SAMMSON: variants seen among roughly 807,000 people sequenced by gnomAD.
SAMMSON encodes the protein survival associated mitochondrial melanoma specific oncogenic non-coding RNA.
chr3:70,381,146 C>T lies in SAMMSON; in HGVS notation n.914-8428C>T, dbSNP rs577968834. 5.3e-5 allele frequency among the ~76,000 whole-genome samples: 8 copies of T among 152,274 alleles called. No individual in the cohort carries two copies. In the East Asian group the frequency reaches 1.2e-3, roughly 22 times the overall value. ...TTGTATGGTAGAGCAGTGCAGTTCT[C>T]ATAGCCCAATGCAGTTGTGTTAAAA... On this transcript the variant is annotated intron_variant and non_coding_transcript_variant, in intron 9 of 9. Transcript: ENST00000642114.
chr3:70,115,438 C>T (rs34692557), intron 4 of SAMMSON, among the ~76,000 whole-genome samples: 3 of 151,982 alleles, frequency 2.0e-5, no homozygotes, highest in African/African-American at 7.2e-5. Context: ...AGTATTTTCA[C>T]GGAAAAGATC....
At chr3:70,044,152 A>G (rs2067115454) in intron 3 of SAMMSON, among the ~76,000 whole-genome samples, 2 of 152,020 alleles carry the variant, frequency 1.3e-5, no homozygotes, top group African/African-American at 4.8e-5. Flanking sequence ...ACCAATGAGC[A>G]TTTAGAATGA....
At chr3:70,157,988 T>C (rs2067598701) in intron 4 of SAMMSON, among the ~76,000 whole-genome samples, 2 of 152,112 alleles carry the variant, frequency 1.3e-5, no homozygotes, top group African/African-American at 4.8e-5. Flanking sequence ...GTGTATTTTA[T>C]AGAACTTTCA....
In SAMMSON at chr3:70,031,609, G is replaced by A. The variant is rs186373402; in HGVS notation, n.417+17937G>A. ...GAAAAGACTAGGTAAGAACTGAAAT[G>A]TAAAGCTAAGTATAGGCATTGCTTA... On this transcript the variant is annotated intron_variant and non_coding_transcript_variant, in intron 3 of 9. Transcript: ENST00000642114. 2.2e-3 allele frequency among the ~76,000 whole-genome samples: 336 copies of A among 152,270 alleles called. 1 individual carries two copies. The highest frequency in any genetic ancestry group is 3.6e-3 in the Admixed American group (55 of 15,286).
intron 3 of SAMMSON, among the ~76,000 whole-genome samples, chr3:70,044,880 ATACT>A (rs2067118294): frequency 6.8e-6 from 1 of 146,714 alleles, no homozygotes; most frequent in Non-Finnish European, 1.5e-5. Context: ...TTTAAATAAA[ATACT>A]TTAATTATAT....
At chr3:70,378,644 C>T (rs2058892) in intron 9 of SAMMSON, among the ~76,000 whole-genome samples, 83,321 of 151,836 alleles carry the variant, frequency 0.55, 23,094 homozygotes, top group East Asian at 0.6. Context: ...TGAAGGGTTC[C>T]TGATATAAAT....
rs538264320 is a variant in SAMMSON, at chr3:70,354,155, G to C, written n.740-20G>C. On this transcript the variant is annotated intron_variant and non_coding_transcript_variant, in intron 7 of 9. Coordinates refer to ENST00000642114, the Ensembl canonical transcript of SAMMSON. ...TTAATGTATCAATGTAAATATCCTG[G>C]TTGTGATACTGTGTTACAGTTTTGC... 7 of 152,186 alleles carry C rather than the reference G, an allele frequency of 4.6e-5. No homozygotes were observed. The South Asian group carries it at 1.5e-3, about 32-fold the overall frequency. 9.4% of individuals were successfully genotyped at this position (152,186 alleles called of 1,614,324 possible). A position where few individuals can be genotyped will look rare whatever the true frequency, so the allele number is the denominator to read the frequency against.
intron 4 of SAMMSON, among the ~76,000 whole-genome samples, chr3:70,161,382 TG>T (rs1385598692): frequency 6.6e-6 from 1 of 152,020 alleles, no homozygotes; most frequent in African/African-American, 2.4e-5. Flanking sequence ...CTATCATGTA[TG>T]GATGTTAGAA....
chr3:70,372,731 A>T (rs1702980795), intron 9 of SAMMSON, among the ~76,000 whole-genome samples: 1 of 152,180 alleles, frequency 6.6e-6, no homozygotes, highest in Admixed American at 6.5e-5. Flanking sequence ...GTCTTGTAGA[A>T]ATCAAAAGTT....
At chr3:70,294,633 C>T (rs9866714) in intron 7 of SAMMSON, among the ~76,000 whole-genome samples, 31,272 of 151,984 alleles carry the variant, frequency 0.21, 3,387 homozygotes, top group South Asian at 0.28. Context: ...TAACAGAAAA[C>T]GTCAACTCAA....
At chr3:70,392,443 A>G (rs1190998213), downstream of SAMMSON, among the ~76,000 whole-genome samples, 6 of 152,126 alleles carry the variant, frequency 3.9e-5, no homozygotes, top group African/African-American at 1.4e-4. Context: ...GCCCCCTCTC[A>G]AGGAAAGATT....
intron 4 of SAMMSON, among the ~76,000 whole-genome samples, chr3:70,176,043 C>G (rs1041960150): frequency 6.6e-6 from 1 of 152,036 alleles, no homozygotes; most frequent in African/African-American, 2.4e-5. Context: ...ATCTCCATGC[C>G]TTAGGGATTC....
chr3:70,025,176 T>C (rs1465887132), intron 3 of SAMMSON: 1 of 152,220 alleles, frequency 6.6e-6, no homozygotes, highest in Non-Finnish European at 1.5e-5. Context: ...GAAAAAGATA[T>C]TTTGGAATAA....
chr3:70,030,068 C>T (rs1388607927), intron 3 of SAMMSON, among the ~76,000 whole-genome samples: 1 of 151,968 alleles, frequency 6.6e-6, no homozygotes, highest in Non-Finnish European at 1.5e-5. Flanking sequence ...TGTATGAGTG[C>T]TAGTAAGAGA....
At chr3:70,221,609 T>C (rs1576160297) in intron 4 of SAMMSON, among the ~76,000 whole-genome samples, 1 of 152,132 alleles carries the variant, frequency 6.6e-6, no homozygotes, top group East Asian at 1.9e-4. Context: ...AGGCATTCCT[T>C]CTGTGCTGTC....
At chr3:70,093,475 G>C (rs1008452275) in intron 4 of SAMMSON, among the ~76,000 whole-genome samples, 4 of 152,200 alleles carry the variant, frequency 2.6e-5, no homozygotes, top group Non-Finnish European at 5.9e-5. Context: ...TTGGTTGTTT[G>C]TAGATGACTA....
intron 7 of SAMMSON, among the ~76,000 whole-genome samples, chr3:70,346,325 T>TTC (rs1702750470): frequency 6.7e-6 from 1 of 149,394 alleles, no homozygotes; most frequent in Admixed American, 6.6e-5. Context: ...TTTTTTTTTT[T>TTC]CACTTTTGGT....
chr3:70,262,496 G>A (rs1164856544), intron 6 of SAMMSON, among the ~76,000 whole-genome samples: 1 of 152,128 alleles, frequency 6.6e-6, no homozygotes, highest in Non-Finnish European at 1.5e-5. Context: ...GTTTATTATG[G>A]GGATGGCTTG....
intron 3 of SAMMSON, among the ~76,000 whole-genome samples, chr3:70,047,946 T>C (rs1037942631): frequency 6.6e-5 from 10 of 152,034 alleles, no homozygotes; most frequent in Admixed American, 3.3e-4. Flanking sequence ...ACTCTTTCCA[T>C]TGGGCACCAC....
Sources: allele counts gnomAD v4.1 joint callset (sites outside exome capture counted in the v4.1 genomes callset), GRCh38; gene constraint gnomAD v4.1.1; transcripts MANE v1.5; gene names NCBI Gene and HGNC (gene_info 2026-07-23, HGNC 2026-07-21).